RIOX2: variants seen among roughly 807,000 people sequenced by gnomAD.
The protein encoded by RIOX2 is 60S ribosomal protein L27a histidine hydroxylase.
In RIOX2, 43 loss-of-function variants were observed where a neutral mutation model predicts 51.2. The ratio of observed to expected loss-of-function variants is 0.84; its 90% confidence interval spans 0.66 to 1.08. RIOX2 has a LOEUF of 1.08. RIOX2 is among the 50% of genes least tolerant of loss of function. The probability of loss-of-function intolerance (pLI) is 0.00; values close to 1 mark genes in which losing one functional copy is unlikely to be tolerated. For synonymous variants in RIOX2, 226 were observed against 218.5 expected (o/e 1.03, Z -0.30); for missense variants, 566 against 561.7 (o/e 1.01, Z -0.08).
rs556689804 is a variant in RIOX2, at chr3:97,947,886, T to C, written c.1061-437A>G. Among the ~76,000 whole-genome samples, 305 of 152,292 alleles carry C rather than the reference T, an allele frequency of 2.0e-3. 2 individuals carry two copies. Among genetic ancestry groups the C allele is most frequent in the South Asian group, 0.015 (70 of 4,826 alleles). On this transcript the variant is annotated intron_variant, in intron 7 of 9. Transcript: ENST00000394198. The stretch of plus-strand genomic sequence containing the variant: ...CCACCAATTATTAGGTGTGTGACCC[T>C]GGTCAATTATTCAGTCTATGTAAGT...
chr3:97,971,839 A>G (rs1458569269), intron 1 of RIOX2: 2 of 152,300 alleles, frequency 1.3e-5, no homozygotes, highest in African/African-American at 4.8e-5. Flanking sequence ...CTGTCGGCCA[A>G]TCGTTGCGGA....
chr3:97,958,857 C>T (rs1042605092), intron 4 of RIOX2, among the ~76,000 whole-genome samples, 194 bp downstream of exon 4: 29 of 152,180 alleles, frequency 1.9e-4, no homozygotes, highest in African/African-American at 7.0e-4. Context: ...TCTCCAAGTG[C>T]AAACCACCAA....
intron 3 of RIOX2, 95 bp downstream of exon 3, chr3:97,961,494 T>C: frequency 4.4e-6 from 6 of 1,362,662 alleles, no homozygotes; most frequent in Non-Finnish European, 5.0e-6. Flanking sequence ...CTAAGAGCCT[T>C]AGAGAATAAT....
rs758326348 is a variant in RIOX2, at chr3:97,947,334, G to A, written c.1149+27C>T. 4 of 1,566,424 alleles carry A rather than the reference G, an allele frequency of 2.6e-6. No individual in the cohort carries two copies. The East Asian group carries it at 6.7e-5, about 26-fold the overall frequency. ...TGATGAAAAACACCCTGAGAAGACAGGAAATCTCCTCCTCTTGGATACTCA... is the reference window on the plus strand; with the variant it reads ...TGATGAAAAACACCCTGAGAAGACAAGAAATCTCCTCCTCTTGGATACTCA... On this transcript the variant is annotated intron_variant, in intron 8 of 9. Transcript: ENST00000394198.
intron 1 of RIOX2, among the ~76,000 whole-genome samples, chr3:97,970,908 AG>A (rs1706103528): frequency 6.6e-6 from 1 of 152,220 alleles, no homozygotes; most frequent in Admixed American, 6.5e-5. Flanking sequence ...GACGTGAGGA[AG>A]CTCTTGAAGG....
intron 1 of RIOX2, among the ~76,000 whole-genome samples, chr3:97,970,835 C>G (rs994528851): frequency 3.4e-4 from 52 of 152,190 alleles, no homozygotes; most frequent in African/African-American, 1.2e-3. Flanking sequence ...AGGCAACAGA[C>G]AGACAGTCAC....
At chr3:97,965,524 A>AT (rs1321358202) in intron 2 of RIOX2, among the ~76,000 whole-genome samples, 1 of 152,086 alleles carries the variant, frequency 6.6e-6, no homozygotes, top group Non-Finnish European at 1.5e-5. Flanking sequence ...AAAAAAAAAA[A>AT]AAAGGCACAT....
intron 7 of RIOX2, 126 bp downstream of exon 7, chr3:97,949,718 G>T: frequency 1.2e-6 from 1 of 806,794 alleles, no homozygotes; most frequent in East Asian, 2.5e-5. Context: ...ACTAAGGATG[G>T]ATGTGGTCCA....
rs566475646 is a variant in RIOX2, at chr3:97,963,347, C to T, written c.433-1639G>A. The stretch of plus-strand genomic sequence containing the variant: ...CTCACTTTGTTGCCCAGGCTGTTGT[C>T]AAACTCTTGGATTCAAGCTATCCTC... On this transcript the variant is annotated intron_variant, in intron 2 of 9. Coordinates refer to ENST00000394198, the MANE Select transcript of RIOX2 (RefSeq NM_153182.4). 1.1e-4 allele frequency among the ~76,000 whole-genome samples: 16 copies of T among 152,222 alleles called. No homozygotes were observed. In the South Asian group the frequency reaches 3.1e-3, roughly 30 times the overall value.
Position 97,942,809 on chromosome 3 carries a change from T to C in RIOX2, c.*2375A>G, listed in dbSNP as rs2053142803. The C allele has an allele frequency of 4.6e-6, 1 of 216,188 alleles. No individual in the cohort carries two copies. The highest frequency in any genetic ancestry group is 5.8e-5 in the Admixed American group (1 of 17,328). The allele number at this position is 216,188 out of a possible 1,614,324, so 13.4% of individuals were successfully genotyped here. ...CTTAAAAACCCTCAGGTAGAATTTA[T>C]GGTAGGTATCAATTAACCTTGTTTT... On this transcript the variant is annotated 3_prime_UTR_variant, in exon 10 of 10. Transcript: ENST00000394198.
In RIOX2 at chr3:97,963,712, A is replaced by T. The variant is rs190593144; in HGVS notation, c.433-2004T>A. Among the ~76,000 whole-genome samples the T allele has an allele frequency of 2.3e-3, 356 of 152,236 alleles. 3 individuals carry two copies. The highest frequency in any genetic ancestry group is 8.1e-3 in the African/African-American group (335 of 41,530). The stretch of plus-strand genomic sequence containing the variant: ...AGGTGATTTTATGGTTCCCGACCCA[A>T]CTATCAGGGTAACTAATGAATATGT... On this transcript the variant is annotated intron_variant, in intron 2 of 9. Transcript: ENST00000394198.
At chr3:97,965,767 T>C (rs1236975723) in intron 2 of RIOX2, among the ~76,000 whole-genome samples, 1 of 152,198 alleles carries the variant, frequency 6.6e-6, no homozygotes, top group Non-Finnish European at 1.5e-5. Context: ...CCAAATATCA[T>C]CTCTCTGCTG....
rs138253657 is a variant in RIOX2, at chr3:97,954,493, C to A, written c.684G>T (p.Pro228=). The part of the protein sequence containing the change: ...GRPVHEFMLK[P]GDLLYFPRGT... Reference sequence around the variant, plus strand: ...CTCTGGGAAAGTACAACAAATCACCCGGCTAAAGGAAGGAATAGGAAAGGG... The same window carrying A: ...CTCTGGGAAAGTACAACAAATCACCAGGCTAAAGGAAGGAATAGGAAAGGG... Residue 228 remains proline, a splice_region_variant and synonymous_variant, in exon 5 of 10, where the codon CCG becomes CCT. Coordinates refer to ENST00000394198, the MANE Select transcript of RIOX2 (RefSeq NM_153182.4). 78 of 1,613,386 alleles carry A rather than the reference C, an allele frequency of 4.8e-5. No homozygotes were observed. The highest frequency in any genetic ancestry group is 6.3e-5 in the Non-Finnish European group (74 of 1,179,578).
chr3:97,960,454 C>CT (rs1705633631), intron 3 of RIOX2, among the ~76,000 whole-genome samples: 1 of 152,112 alleles, frequency 6.6e-6, no homozygotes, highest in African/African-American at 2.4e-5. Flanking sequence ...CCAATTTATG[C>CT]TATCAGTAAG....
intron 6 of RIOX2, among the ~76,000 whole-genome samples, 195 bp downstream of exon 6, chr3:97,950,591 A>G (rs1291692499): frequency 6.6e-6 from 1 of 152,214 alleles, no homozygotes; most frequent in Non-Finnish European, 1.5e-5. Flanking sequence ...CTGTCTGTAC[A>G]ACATCACAGT....
At chr3:97,965,480 C>T (rs1453731918) in intron 2 of RIOX2, among the ~76,000 whole-genome samples, 2 of 151,534 alleles carry the variant, frequency 1.3e-5, no homozygotes, top group Admixed American at 1.3e-4. Context: ...CCACTGTACT[C>T]CAGCCTGGGC....
chr3:97,950,943 T>C (rs561635986), intron 5 of RIOX2, 55 bp from the exon 6 acceptor site: 2 of 1,248,986 alleles, frequency 1.6e-6, no homozygotes, highest in Admixed American at 3.5e-5. Flanking sequence ...GCATACGAAA[T>C]ATACATAAAA....
At chr3:97,956,400 A>G (rs1705451329) in intron 4 of RIOX2, among the ~76,000 whole-genome samples, 1 of 152,228 alleles carries the variant, frequency 6.6e-6, no homozygotes, top group Admixed American at 6.5e-5. Context: ...AGAAGCATAA[A>G]ATAATGAATT....
intron 5 of RIOX2, chr3:97,952,348 T>C: frequency 1.5e-6 from 1 of 669,486 alleles, no homozygotes; most frequent in South Asian, 1.5e-5. Flanking sequence ...TAGGAAGCTC[T>C]TCCCAGCCCC....
Sources: allele counts gnomAD v4.1 joint callset (sites outside exome capture counted in the v4.1 genomes callset), GRCh38; gene constraint gnomAD v4.1.1; transcripts MANE v1.5; gene names NCBI Gene and HGNC (gene_info 2026-07-23, HGNC 2026-07-21).